Variants in PRELID3A observed in about 807,000 individuals in gnomAD.
PRELID3A encodes PRELI domain containing protein 3A.
In PRELID3A, 27 loss-of-function variants were observed where a neutral mutation model predicts 23.0. The ratio of observed to expected loss-of-function variants is 1.17; its 90% CI spans 0.87 to 1.62. PRELID3A has a LOEUF of 1.62. PRELID3A is among the 40% of genes most tolerant of loss of function. The pLI, the probability that PRELID3A is intolerant of heterozygous loss-of-function variation, is 0.00. For synonymous variants in PRELID3A, 87 were observed against 86.4 expected, an observed-to-expected ratio of 1.01 and a Z score of -0.04; for missense variants, 231 against 231.4, an observed-to-expected ratio of 1.00 and a Z score of 0.01.
chr18:12,426,623 C>A (rs2030389559), intron 3 of PRELID3A, among the ~76,000 whole-genome samples: 1 of 149,734 alleles, frequency 6.7e-6, no homozygotes. Context: ...CTGGAGGAGA[C>A]AAGAACCCTG....
At chr18:12,429,538 G>T in intron 6 of PRELID3A, 102 bp downstream of exon 6, 1 of 692,800 alleles carries the variant, frequency 1.4e-6, no homozygotes, top group Non-Finnish European at 2.5e-6. Context: ...GCAGCTGCTG[G>T]TGGCTCTCCA....
intron 6 of PRELID3A, among the ~76,000 whole-genome samples, chr18:12,430,286 CTGTGTGGTGAGTATCTATGTG>C (rs1048625063): frequency 1.3e-5 from 2 of 151,254 alleles, no homozygotes; most frequent in African/African-American, 4.9e-5. Context: ...GTGGTGTGTG[CTGTGTGGTGAGTATCTATGTG>C]TGTGTGGTGA....
intron 6 of PRELID3A, among the ~76,000 whole-genome samples, chr18:12,429,687 C>T (rs954148521): frequency 2.6e-5 from 4 of 152,202 alleles, no homozygotes; most frequent in Admixed American, 1.3e-4. Context: ...GGTGGCAGCT[C>T]GGCCTCTCCA....
At chr18:12,420,293 C>G (rs1334244486) in intron 1 of PRELID3A, 32 bp from the exon 2 acceptor site, 1 of 1,567,452 alleles carries the variant, frequency 6.4e-7, no homozygotes, top group Non-Finnish European at 8.6e-7. Context: ...GGCCCCGGCG[C>G]TTGCTCACCG....
chr18:12,415,893 G>A lies in PRELID3A; in HGVS notation c.33-4432G>A, dbSNP rs577105442. Among the ~76,000 whole-genome samples, 12 of 152,350 alleles carry A rather than the reference G, an allele frequency of 7.9e-5. No individual in the cohort carries two copies. In the South Asian group the frequency reaches 1.2e-3, roughly 16 times the overall value. ...CATGGTGTCAGAGCACTTGGGACACGTGTATGTGGGGAGCCATCCATGCTG... is the reference window on the plus strand; with the variant it reads ...CATGGTGTCAGAGCACTTGGGACACATGTATGTGGGGAGCCATCCATGCTG... On this transcript the variant is annotated intron_variant, in intron 1 of 6. Transcript: ENST00000440960.
intron 6 of PRELID3A, among the ~76,000 whole-genome samples, chr18:12,429,678 G>T (rs1050868303): frequency 6.6e-6 from 1 of 152,240 alleles, no homozygotes; most frequent in Non-Finnish European, 1.5e-5. Context: ...GGGTCGCATG[G>T]TGGCAGCTCG....
chr18:12,428,362 A>C (rs1361555890), intron 5 of PRELID3A, among the ~76,000 whole-genome samples: 1 of 152,090 alleles, frequency 6.6e-6, no homozygotes, highest in Non-Finnish European at 1.5e-5. Flanking sequence ...TTTGCTTTTC[A>C]CCTGGGCCCG....
At chr18:12,430,947 CTG>C (rs948571707) in intron 6 of PRELID3A, among the ~76,000 whole-genome samples, 3 of 145,456 alleles carry the variant, frequency 2.1e-5, no homozygotes, top group Admixed American at 6.9e-5. Flanking sequence ...GTATTGTGTG[CTG>C]TGTGTGATTT....
chr18:12,420,313 C>T lies in PRELID3A; in HGVS notation c.33-12C>T, dbSNP rs1245030268. On this transcript the variant is annotated splice_polypyrimidine_tract_variant and intron_variant, in intron 1 of 6. Transcript: ENST00000440960. Reference sequence around the variant, plus strand: ...CGGCGCTTGCTCACCGCCGCCTATGCTCTCCCCGCAGCCACCCGTGGGACA... The same window carrying T: ...CGGCGCTTGCTCACCGCCGCCTATGTTCTCCCCGCAGCCACCCGTGGGACA... 1.3e-6 allele frequency: 2 copies of T among 1,597,624 alleles called. No individual in the cohort carries two copies. Among genetic ancestry groups the T allele is most frequent in the Non-Finnish European group, 1.7e-6 (2 of 1,172,938 alleles).
At chr18:12,419,997 G>A in intron 1 of PRELID3A, 1 of 484,526 alleles carries the variant, frequency 2.1e-6, no homozygotes, top group Non-Finnish European at 3.2e-6. Flanking sequence ...GGGGCAAGAG[G>A]AGGCTGAGGC....
At chr18:12,416,665 A>T (rs202055847) in intron 1 of PRELID3A, among the ~76,000 whole-genome samples, 79 of 78,888 alleles carry the variant, frequency 1.0e-3, no homozygotes, top group Middle Eastern at 7.1e-3. Flanking sequence ...TTTTTTTTTT[A>T]GACAGAGTCT....
intron 3 of PRELID3A, among the ~76,000 whole-genome samples, chr18:12,426,281 GGA>G (rs1268934722): frequency 7.9e-5 from 12 of 151,100 alleles, no homozygotes; most frequent in South Asian, 4.2e-4. Flanking sequence ...TAGGCCGGGT[GGA>G]GTGGCTCACG....
Position 12,421,629 on chromosome 18 carries a change from T to C in PRELID3A, c.291T>C (p.Asn97=), listed in dbSNP as rs555077541. 316 of 1,603,798 alleles carry C rather than the reference T, an allele frequency of 2.0e-4. 6 individuals are homozygous for C. In the South Asian group the frequency reaches 3.3e-3, roughly 17 times the overall value. ...AGAAAATGGAACTTTGTTCTACCAA[T>C]GTAAGCAATGGCCTCAGATGAGAAA... ...VEKKMELCST[N]ITLTNLVSVN... Residue 97 remains asparagine, a splice_region_variant and synonymous_variant, in exon 3 of 7, where the codon AAT becomes AAC. Coordinates refer to ENST00000440960, the MANE Select transcript of PRELID3A (RefSeq NM_001142405.2).
intron 3 of PRELID3A, among the ~76,000 whole-genome samples, chr18:12,425,142 TTAAAC>T (rs1484584398): frequency 1.3e-5 from 2 of 148,786 alleles, no homozygotes; most frequent in African/African-American, 5.0e-5. Context: ...AAAAAAAAAA[TTAAAC>T]TAATTAGGAT....
Position 12,429,348 on chromosome 18 carries a change from A to C in PRELID3A, c.466-2A>C, listed in dbSNP as rs750699882. On this transcript the variant is annotated splice_acceptor_variant, in intron 5 of 6. Coordinates refer to ENST00000440960, the MANE Select transcript of PRELID3A (RefSeq NM_001142405.2). LOFTEE classifies it high-confidence loss of function. The stretch of plus-strand genomic sequence containing the variant: ...CAGTGCTGAAATCTTTCTGTGTTGC[A>C]GGGGTGGGCTGCTATCGAGTGGATA... The C allele has an allele frequency of 8.1e-6, 13 of 1,613,406 alleles. No individual in the cohort carries two copies. Among genetic ancestry groups the C allele is most frequent in the Middle Eastern group, 3.5e-4 (2 of 5,684 alleles).
chr18:12,420,275 G>GCGGCC (rs1555676735), intron 1 of PRELID3A, 50 bp from the exon 2 acceptor site: 8 of 1,541,088 alleles, frequency 5.2e-6, no homozygotes, highest in African/African-American at 1.4e-5. Context: ...CTTCACCCTT[G>GCGGCC]CGGCCCCGGC....
chr18:12,427,095 C>A lies in PRELID3A; in HGVS notation c.346C>A (p.Pro116Thr), dbSNP rs778068970. Reference sequence around the variant, plus strand: ...TGAGAGGTTGGTGTACACACCTCATCCAGAGAACCCAGAAATGTGAGTCAT... The same window carrying A: ...TGAGAGGTTGGTGTACACACCTCATACAGAGAACCCAGAAATGTGAGTCAT... ...VNERLVYTPH[P>T]ENPEMTVLTQ... The change falls in exon 4 of 7, where the codon CCA becomes ACA. Residue 116 changes from proline (P) to threonine (T), a missense_variant. Physicochemically the swap from Pro to Thr is conservative, Grantham distance 38 (BLOSUM62 -1). Transcript: ENST00000440960. The A allele has an allele frequency of 3.7e-6, 6 of 1,612,966 alleles. No individual in the cohort carries two copies. The East Asian group carries it at 1.3e-4, about 36-fold the overall frequency.
Position 12,427,333 on chromosome 18 carries a change from T to C in PRELID3A, c.465+10T>C. 6.3e-7 allele frequency: 1 copy of C among 1,574,836 alleles called. No homozygotes were observed. Among genetic ancestry groups the C allele is most frequent in the South Asian group, 1.1e-5 (1 of 89,742 alleles). ...ATCCAATGCAAAGAAGGTATGTATC[T>C]CAATCCTAGGAGTCCTGTGTGTGCT... On this transcript the variant is annotated intron_variant, in intron 5 of 6. Coordinates refer to ENST00000440960, the MANE Select transcript of PRELID3A (RefSeq NM_001142405.2).
intron 1 of PRELID3A, among the ~76,000 whole-genome samples, chr18:12,409,537 TG>T (rs1479181017): frequency 5.9e-5 from 9 of 152,192 alleles, no homozygotes; most frequent in Admixed American, 1.3e-4. Context: ...TTATTTTTCA[TG>T]AAGTCTTTAG....
Sources: gnomAD v4.1 joint callset for allele counts (sites outside exome capture counted in the v4.1 genomes callset) on GRCh38, gnomAD v4.1.1 for gene constraint, MANE v1.5 for transcripts, NCBI Gene and HGNC (gene_info 2026-07-23, HGNC 2026-07-21) for gene names.